The following MED12L variants were observed in gnomAD, a reference collection of about 807,000 sequenced individuals.
MED12L encodes the protein mediator of RNA polymerase II transcription subunit 12-like protein.
In MED12L, 60 loss-of-function variants were observed where a neutral mutation model predicts 281.3. The ratio of observed to expected loss-of-function variants is 0.21; its 90% CI spans 0.17 to 0.26. The LOEUF (loss-of-function observed/expected upper bound fraction) is 0.26. MED12L is among the 10% of genes least tolerant of loss of function. The pLI is 1.00. For synonymous variants in MED12L, 974 were observed against 987.2 expected, an observed-to-expected ratio of 0.99 and a Z score of 0.25; for missense variants, 2,146 against 2,680.9, an observed-to-expected ratio of 0.80 and a Z score of 4.41.
intron 2 of MED12L, among the ~76,000 whole-genome samples, chr3:151,089,983 T>C (rs1017977328): frequency 3.3e-5 from 5 of 152,194 alleles, no homozygotes; most frequent in Admixed American, 3.3e-4. Flanking sequence ...GTTTCACCAG[T>C]ATGCTTGGTC....
At chr3:151,167,370 TAAGACACC>T (rs1560113416) in intron 11 of MED12L, among the ~76,000 whole-genome samples, 1 of 152,254 alleles carries the variant, frequency 6.6e-6, no homozygotes, top group Non-Finnish European at 1.5e-5. Flanking sequence ...AGTTAAGTTT[TAAGACACC>T]TTCAATACCT....
intron 3 of MED12L, among the ~76,000 whole-genome samples, chr3:151,118,039 C>T (rs1269162312): frequency 3.5e-5 from 5 of 142,658 alleles, no homozygotes; most frequent in African/African-American, 5.3e-5. Flanking sequence ...TGCAGTGAGC[C>T]GAGATTGCGC....
chr3:151,153,556 TTTTC>T (rs1251599767), intron 5 of MED12L, among the ~76,000 whole-genome samples: 8 of 143,716 alleles, frequency 5.6e-5, no homozygotes, highest in South Asian at 2.1e-4. Flanking sequence ...TCCGTTTCTG[TTTTC>T]TTTCTTTTTT....
At chr3:151,188,249 C>T (rs1431784383) in intron 12 of MED12L, 105 bp from the exon 13 acceptor site, 5 of 782,282 alleles carry the variant, frequency 6.4e-6, no homozygotes, top group Non-Finnish European at 1.0e-5. Flanking sequence ...ATTAATTTTA[C>T]ATGTTTTACC....
chr3:151,375,766 T>A (rs552468358), intron 27 of MED12L, among the ~76,000 whole-genome samples: 35 of 152,270 alleles, frequency 2.3e-4, no homozygotes, highest in African/African-American at 8.4e-4. Flanking sequence ...GTTAAAAACA[T>A]ACTAATATTC....
intron 4 of MED12L, among the ~76,000 whole-genome samples, chr3:151,126,288 C>T (rs1205520969): frequency 1.3e-5 from 2 of 152,106 alleles, no homozygotes; most frequent in Non-Finnish European, 2.9e-5. Context: ...AGTGATCCAC[C>T]TGCTTCTGCT....
chr3:151,319,018 G>GT (rs1255652594), intron 16 of MED12L, among the ~76,000 whole-genome samples: 1 of 152,120 alleles, frequency 6.6e-6, no homozygotes, highest in African/African-American at 2.4e-5. Flanking sequence ...GTGTTTCAGT[G>GT]TTTCGTTGGC....
At chr3:151,421,172 C>A (rs990716130) in intron 43 of MED12L, among the ~76,000 whole-genome samples, 16 of 152,158 alleles carry the variant, frequency 1.1e-4, no homozygotes, top group African/African-American at 3.9e-4. Context: ...TGAGGAATGA[C>A]AGTGGTGGCT....
intron 39 of MED12L, among the ~76,000 whole-genome samples, chr3:151,407,395 A>G (rs529696567): frequency 3.3e-5 from 5 of 152,296 alleles, no homozygotes; most frequent in African/African-American, 1.2e-4. Flanking sequence ...ACTCATATAT[A>G]AATAGTTGAT....
chr3:151,314,231 T>A (rs1560017289), intron 16 of MED12L, among the ~76,000 whole-genome samples: 1 of 152,238 alleles, frequency 6.6e-6, no homozygotes, highest in Non-Finnish European at 1.5e-5. Flanking sequence ...TGTAATTTTT[T>A]AAATGTTTGG....
chr3:151,174,489 C>T (rs1721806501), intron 11 of MED12L, among the ~76,000 whole-genome samples: 3 of 152,118 alleles, frequency 2.0e-5, no homozygotes, highest in Non-Finnish European at 2.9e-5. Flanking sequence ...CTTGTTTCCT[C>T]GCAGAATTAG....
At chr3:151,156,368 T>C (rs761236491) in intron 6 of MED12L, 38 bp downstream of exon 6, 4 of 1,529,264 alleles carry the variant, frequency 2.6e-6, no homozygotes. Flanking sequence ...TGTGCAATGC[T>C]TTTAAGAAGA....
rs1221076086 is a variant in MED12L, at chr3:151,233,565, C to T, written c.2250+39899C>T. 3.3e-5 allele frequency among the ~76,000 whole-genome samples: 5 copies of T among 152,270 alleles called. No individual in the cohort carries two copies. In the South Asian group the frequency reaches 1.0e-3, roughly 32 times the overall value. ...CCTGACCAACATGGAGAAACCCTGT[C>T]TCTACTAAAAATACAAAATTAGCTG... On this transcript the variant is annotated intron_variant, in intron 16 of 44. Transcript: ENST00000687756.
chr3:151,133,568 A>C (rs1560079801), intron 5 of MED12L, among the ~76,000 whole-genome samples: 1 of 152,148 alleles, frequency 6.6e-6, no homozygotes, highest in African/African-American at 2.4e-5. Context: ...GAAGCCTGAA[A>C]GAAGAGTTTG....
At chr3:151,212,022 A>T (rs959980710) in intron 16 of MED12L, 5 of 152,224 alleles carry the variant, frequency 3.3e-5, no homozygotes, top group African/African-American at 1.2e-4. Flanking sequence ...TTGTATTAGC[A>T]TGCATAATTG....
At chr3:151,237,994 T>C (rs1487499762) in intron 16 of MED12L, among the ~76,000 whole-genome samples, 2 of 152,212 alleles carry the variant, frequency 1.3e-5, no homozygotes, top group Non-Finnish European at 2.9e-5. Context: ...TGTGACTTAC[T>C]GTTTTCACTT....
chr3:151,128,341 A>G lies in MED12L; in HGVS notation c.556+357A>G, dbSNP rs143540187. ...TTGCTCCTTACATTGTATTCTCTGCATAACTACTATACTAATCTCCAAACC... is the reference window on the plus strand; with the variant it reads ...TTGCTCCTTACATTGTATTCTCTGCGTAACTACTATACTAATCTCCAAACC... On this transcript the variant is annotated intron_variant, in intron 5 of 44. Coordinates refer to ENST00000687756, the MANE Select transcript of MED12L (RefSeq NM_001393769.1). Among the ~76,000 whole-genome samples the G allele has an allele frequency of 8.6e-3, 1,317 of 152,330 alleles. 24 individuals carry two copies. Among genetic ancestry groups the G allele is most frequent in the African/African-American group, 0.03 (1,251 of 41,562 alleles).
intron 5 of MED12L, among the ~76,000 whole-genome samples, chr3:151,148,036 A>G (rs991468515): frequency 2.0e-5 from 3 of 152,128 alleles, no homozygotes; most frequent in Non-Finnish European, 4.4e-5. Flanking sequence ...AATACTTGTT[A>G]TTATCAGTCT....
At chr3:151,095,324 G>T (rs952091269) in intron 2 of MED12L, among the ~76,000 whole-genome samples, 4 of 152,080 alleles carry the variant, frequency 2.6e-5, no homozygotes, top group Admixed American at 2.6e-4. Flanking sequence ...CTACAAATGA[G>T]AACTTAATTT....
Sources: gnomAD v4.1 joint callset for allele counts (sites outside exome capture counted in the v4.1 genomes callset) on GRCh38, gnomAD v4.1.1 for gene constraint, MANE v1.5 for transcripts, NCBI Gene and HGNC (gene_info 2026-07-23, HGNC 2026-07-21) for gene names.